USP37: variants seen among roughly 807,000 people sequenced by gnomAD.
The protein encoded by USP37 is ubiquitin carboxyl-terminal hydrolase 37.
In USP37, 27 loss-of-function variants were observed where a neutral mutation model predicts 124.0. The observed-to-expected ratio is 0.22, with a 90% CI of 0.16 to 0.30. The LOEUF (loss-of-function observed/expected upper bound fraction) is 0.30. Among genes scored for constraint, USP37 ranks in the 10% least tolerant of loss-of-function variants. The pLI is 1.00. For synonymous variants in USP37, 365 were observed against 388.0 expected (o/e 0.94, Z 0.70); for missense variants, 889 against 1,140.4 (o/e 0.78, Z 3.17).
chr2:218,542,320 A>G (rs1286820544), intron 8 of USP37, among the ~76,000 whole-genome samples: 2 of 152,324 alleles, frequency 1.3e-5, no homozygotes, highest in Admixed American at 1.3e-4. Flanking sequence ...AAGGATCGGT[A>G]ACCTAGTGTT....
chr2:218,478,243 C>T (rs768738726), intron 18 of USP37, among the ~76,000 whole-genome samples: 1 of 152,156 alleles, frequency 6.6e-6, no homozygotes, highest in Non-Finnish European at 1.5e-5. Flanking sequence ...GATATCACTG[C>T]ACTCCAACCT....
intron 9 of USP37, among the ~76,000 whole-genome samples, chr2:218,533,198 C>T (rs192391752): frequency 3.4e-4 from 52 of 152,218 alleles, no homozygotes; most frequent in African/African-American, 1.3e-3. Context: ...CCCCCAAGTT[C>T]CACAAGTTGT....
chr2:218,463,218 ACACACACACAC>A (rs1417600948), intron 22 of USP37, 77 bp downstream of exon 22: 2 of 629,252 alleles, frequency 3.2e-6, no homozygotes, highest in Non-Finnish European at 5.3e-6. Context: ...ACACACACAC[ACACACACACAC>A]ACTTTCTTTA....
At chr2:218,511,030 T>C (rs868301627) in intron 10 of USP37, among the ~76,000 whole-genome samples, 40 of 152,070 alleles carry the variant, frequency 2.6e-4, no homozygotes, top group African/African-American at 9.2e-4. Context: ...TTTTTACCAA[T>C]AAGGAGACAC....
intron 11 of USP37, among the ~76,000 whole-genome samples, 178 bp downstream of exon 11, chr2:218,509,801 T>C (rs551496993): frequency 1.0e-3 from 153 of 152,314 alleles, no homozygotes; most frequent in Non-Finnish European, 1.9e-3. Context: ...CTAAAATTGT[T>C]TGGTGAACAG....
intron 16 of USP37, among the ~76,000 whole-genome samples, chr2:218,482,793 A>T (rs905010167): frequency 6.6e-6 from 1 of 152,192 alleles, no homozygotes; most frequent in Non-Finnish European, 1.5e-5. Context: ...TTGCATGCCA[A>T]ATCTGATCTG....
intron 24 of USP37, 91 bp downstream of exon 24, chr2:218,457,001 C>T (rs1218154105): frequency 1.6e-6 from 2 of 1,258,858 alleles, no homozygotes; most frequent in Non-Finnish European, 2.2e-6. Context: ...AAGAAAAACA[C>T]ACTTCACAAA....
At chr2:218,563,163 C>CAAA (rs11399554) in intron 1 of USP37, among the ~76,000 whole-genome samples, 6 of 123,598 alleles carry the variant, frequency 4.9e-5, no homozygotes, top group African/African-American at 1.5e-4. Flanking sequence ...AACTCCATCT[C>CAAA]AAAAAAAAAA....
chr2:218,549,816 T>C lies in USP37; in HGVS notation c.422A>G (p.Asp141Gly). The C allele has an allele frequency of 6.2e-7, 1 of 1,612,560 alleles. No individual in the cohort carries two copies. Among genetic ancestry groups the C allele is most frequent in the Non-Finnish European group, 8.5e-7 (1 of 1,179,404 alleles). ...KETSRQLSYS[D>G]NQASAKRGSL... is the part of the protein sequence containing the mutation. Reference sequence around the variant, plus strand: ...AGATTCAAATGAACATACCTGATTGTCTGAGTAAGAAAGCTGCCTGCTGGT... The same window carrying C: ...AGATTCAAATGAACATACCTGATTGCCTGAGTAAGAAAGCTGCCTGCTGGT... Residue 141 changes from aspartate to glycine, a missense_variant, in exon 6 of 26, where the codon GAC becomes GGC. Around this residue, in one of 3 missense-constraint regions of USP37, gnomAD observed 374 missense variants for 386.0 expected, o/e 0.97. Coordinates refer to ENST00000258399, the MANE Select transcript of USP37 (RefSeq NM_020935.3).
chr2:218,466,501 CACTACTAT>C lies in USP37; in HGVS notation c.2300-333_2300-326del, dbSNP rs1690331300. ...AGTTGTGATAACCAAAAATGACAGA[CACTACTAT>C]ATGTCCTCTGGAAGGCAAAATTGTT... On this transcript the variant is annotated intron_variant, in intron 20 of 25. Coordinates refer to ENST00000258399, the MANE Select transcript of USP37 (RefSeq NM_020935.3). Among the ~76,000 whole-genome samples the C allele has an allele frequency of 4.6e-5, 7 of 152,054 alleles. 1 individual carries two copies. The South Asian group carries it at 1.5e-3, about 32-fold the overall frequency.
chr2:218,528,843 A>AAG, intron 10 of USP37: 2 of 307,804 alleles, frequency 6.5e-6, no homozygotes, highest in Non-Finnish European at 5.5e-6. Flanking sequence ...AAAAAAAAAG[A>AAG]GCTTATCTAT....
At chr2:218,488,546 T>C (rs1691722688) in intron 14 of USP37, 125 bp from the exon 15 acceptor site, 1 of 594,742 alleles carries the variant, frequency 1.7e-6, no homozygotes, top group Non-Finnish European at 3.0e-6. Flanking sequence ...GCATAAGAAC[T>C]ATATACATTT....
intron 10 of USP37, among the ~76,000 whole-genome samples, chr2:218,521,276 T>C (rs183706478): frequency 8.3e-4 from 127 of 152,340 alleles, no homozygotes; most frequent in Non-Finnish European, 1.4e-3. Context: ...ACTAATACAA[T>C]AGGCTACTTT....
At chr2:218,533,007 T>G (rs1461510167) in intron 9 of USP37, among the ~76,000 whole-genome samples, 1 of 152,094 alleles carries the variant, frequency 6.6e-6, no homozygotes, top group Non-Finnish European at 1.5e-5. Flanking sequence ...CAGCATAGTA[T>G]AAACATAACT....
rs549278327 is a variant in USP37, at chr2:218,558,633, A to G, written c.21T>C (p.His7=). Reference sequence around the variant, plus strand: ...GCATACTTCGAATTCTGATAGGACCATGTATCTTCAGAGGAGACATATTTT... The same window carrying G: ...GCATACTTCGAATTCTGATAGGACCGTGTATCTTCAGAGGAGACATATTTT... The part of the protein sequence containing the change: MSPLKI[H]GPIRIRSMQT... The change falls in exon 4 of 26, where the codon CAT becomes CAC. Residue 7 remains histidine (H), a synonymous_variant. Coordinates refer to ENST00000258399, the MANE Select transcript of USP37 (RefSeq NM_020935.3). 6.2e-7 allele frequency: 1 copy of G among 1,610,498 alleles called. No homozygotes were observed. Among genetic ancestry groups the G allele is most frequent in the Non-Finnish European group, 8.5e-7 (1 of 1,178,556 alleles).
At chr2:218,529,091 C>G (rs1003014240) in intron 10 of USP37, among the ~76,000 whole-genome samples, 6 of 152,150 alleles carry the variant, frequency 3.9e-5, no homozygotes, top group African/African-American at 1.4e-4. Flanking sequence ...TTGTCTGTCG[C>G]AATCTATGGC....
chr2:218,545,495 T>G (rs578156337), intron 8 of USP37, among the ~76,000 whole-genome samples: 2 of 152,286 alleles, frequency 1.3e-5, no homozygotes, highest in East Asian at 3.9e-4. Context: ...CTACCACCTA[T>G]TCAGACTTTT....
rs3835979 is a variant in USP37 at position 218,463,175 on chromosome 2, A to AACAC, written c.2527+127_2527+130dup. The AACAC allele has an allele frequency of 8.7e-4, 459 of 529,426 alleles. 3 individuals are homozygous for AACAC. Among genetic ancestry groups the AACAC allele is most frequent in the African/African-American group, 5.8e-3 (271 of 46,920 alleles). The allele number at this position is 529,426 out of a possible 1,614,324, so 32.8% of individuals were successfully genotyped here. ...GAGTGAGAGGCTCTCCCCCACAATAAACACACACACACACACACACACACA... is the reference window on the plus strand; with the variant it reads ...GAGTGAGAGGCTCTCCCCCACAATAAACACACACACACACACACACACACACACA... On this transcript the variant is annotated intron_variant, in intron 22 of 25. Transcript: ENST00000258399.
chr2:218,457,172 G>T lies in USP37; in HGVS notation c.2644-11C>A. Reference sequence around the variant, plus strand: ...AGGCAGATTTCCTGTCTGGAAAACAGAAGTGGGTATAACTTTTAAGTCTTC... The same window carrying T: ...AGGCAGATTTCCTGTCTGGAAAACATAAGTGGGTATAACTTTTAAGTCTTC... On this transcript the variant is annotated splice_polypyrimidine_tract_variant and intron_variant, in intron 23 of 25. Transcript: ENST00000258399. 1 of 1,612,518 alleles carries T rather than the reference G, an allele frequency of 6.2e-7. No individual in the cohort carries two copies. Among genetic ancestry groups the T allele is most frequent in the South Asian group, 1.1e-5 (1 of 90,514 alleles).
Sources: allele counts gnomAD v4.1 joint callset (sites outside exome capture counted in the v4.1 genomes callset), GRCh38; gene constraint gnomAD v4.1.1; regional missense constraint gnomAD v4.1.1; transcripts MANE v1.5; gene names NCBI Gene and HGNC (gene_info 2026-07-23, HGNC 2026-07-21).